The following MUCL1 variants were observed in gnomAD, a reference collection of about 807,000 sequenced individuals.
MUCL1 encodes mucin-like protein 1.
MUCL1 carries 11 observed loss-of-function variants against 9.2 expected under a neutral mutation model. The ratio of observed to expected loss-of-function variants is 1.19; its 90% CI spans 0.75 to 1.97. The LOEUF (loss-of-function observed/expected upper bound fraction) is 1.97. MUCL1 is among the 30% of genes most tolerant of loss of function. The probability of loss-of-function intolerance (pLI) is 0.00; values close to 1 mark genes in which losing one functional copy is unlikely to be tolerated. For synonymous variants in MUCL1, 48 were observed against 40.5 expected (o/e 1.19, Z -0.71); for missense variants, 144 against 110.9 (o/e 1.30, Z -1.34).
chr12:54,841,412 C>A (rs949822568), intron 1 of MUCL1, among the ~76,000 whole-genome samples: 1 of 152,046 alleles, frequency 6.6e-6, no homozygotes, highest in African/African-American at 2.4e-5. Flanking sequence ...TTTTGAGAAA[C>A]CTCCATACAG....
intron 1 of MUCL1, 50 bp downstream of exon 1, chr12:54,854,690 A>C (rs772029482): frequency 2.7e-5 from 40 of 1,509,236 alleles, no homozygotes; most frequent in Non-Finnish European, 3.7e-5. Context: ...ATATACATAA[A>C]ATATCTCCTC....
At chr12:54,856,702 C>T in intron 2 of MUCL1, 68 bp from the exon 3 acceptor site, 1 of 1,546,286 alleles carries the variant, frequency 6.5e-7, no homozygotes, top group Non-Finnish European at 8.8e-7. Flanking sequence ...GTATGTCTAC[C>T]CCTGGGTGGG....
At chr12:54,836,859 A>C (rs1450201926), upstream of MUCL1, among the ~76,000 whole-genome samples, 1 of 152,164 alleles carries the variant, frequency 6.6e-6, no homozygotes, top group East Asian at 1.9e-4. Context: ...TTCAGGAGCA[A>C]ATTATTTAAT....
upstream of MUCL1, among the ~76,000 whole-genome samples, chr12:54,838,675 C>A (rs1959198089): frequency 6.6e-6 from 1 of 151,746 alleles, no homozygotes; most frequent in East Asian, 1.9e-4. Flanking sequence ...AAAGGCTTGT[C>A]TTTGAGTTCC....
At chr12:54,835,724 G>A (rs1959192143), upstream of MUCL1, among the ~76,000 whole-genome samples, 2 of 151,372 alleles carry the variant, frequency 1.3e-5, no homozygotes, top group South Asian at 2.1e-4. Context: ...TGTCATATAT[G>A]GCTTTTATTA....
At chr12:54,851,968 C>A (rs1202324728), upstream of MUCL1, among the ~76,000 whole-genome samples, 3 of 152,166 alleles carry the variant, frequency 2.0e-5, no homozygotes, top group South Asian at 2.1e-4. Context: ...AGGACCTCTC[C>A]AAAGAGAACT....
At chr12:54,851,290 T>C (rs541197062), upstream of MUCL1, among the ~76,000 whole-genome samples, 1 of 152,332 alleles carries the variant, frequency 6.6e-6, no homozygotes, top group African/African-American at 2.4e-5. Context: ...TTTATGGTTT[T>C]AGGTCTAACA....
chr12:54,835,605 TG>T (rs1315390211), upstream of MUCL1, among the ~76,000 whole-genome samples: 19 of 24,268 alleles, frequency 7.8e-4, no homozygotes, highest in African/African-American at 2.5e-3. Flanking sequence ...TTGATGGGAT[TG>T]TTTTTTTTTT....
chr12:54,854,925 G>A (rs1868287895), intron 1 of MUCL1, among the ~76,000 whole-genome samples, 191 bp from the exon 2 acceptor site: 1 of 152,122 alleles, frequency 6.6e-6, no homozygotes, highest in South Asian at 2.1e-4. Context: ...AAGGAAAAAT[G>A]ACCACATATT....
At chr12:54,844,022 T>C (rs149851995) in intron 1 of MUCL1, among the ~76,000 whole-genome samples, 38 of 152,332 alleles carry the variant, frequency 2.5e-4, no homozygotes, top group Middle Eastern at 3.4e-3. Flanking sequence ...TGGTAATTTA[T>C]TGTTTATAAA....
chr12:54,854,625 T>C lies in MUCL1; in HGVS notation c.43T>C (p.Phe15Leu), dbSNP rs761817257. The change falls in exon 1 of 4, where the codon TTT (phenylalanine) becomes CTT (leucine). Residue 15 changes from phenylalanine to leucine, a missense_variant. Physicochemically the swap from Phe to Leu is conservative, Grantham distance 22. Coordinates refer to ENST00000308796, the MANE Select transcript of MUCL1 (RefSeq NM_058173.3). Reference sequence around the variant, plus strand: ...CCTGGTACTCTTGGGAGTTTCCATCTTTCTGGTCTCTGCCCGTAAGTAAAG... The same window carrying C: ...CCTGGTACTCTTGGGAGTTTCCATCCTTCTGGTCTCTGCCCGTAAGTAAAG... Reference protein sequence around the residue: ...AVLVLLGVSIFLVSAQNPTTA... With the variant: ...AVLVLLGVSILLVSAQNPTTA... 6.2e-7 allele frequency: 1 copy of C among 1,613,460 alleles called. No individual in the cohort carries two copies. The highest frequency in any genetic ancestry group is 1.1e-5 in the South Asian group (1 of 91,058).
At chr12:54,841,297 C>A (rs1354245660) in intron 1 of MUCL1, among the ~76,000 whole-genome samples, 1 of 152,176 alleles carries the variant, frequency 6.6e-6, no homozygotes, top group African/African-American at 2.4e-5. Flanking sequence ...AACGATGCTG[C>A]AATCAACACA....
At chr12:54,845,155 C>T (rs1332292025) in intron 1 of MUCL1, among the ~76,000 whole-genome samples, 2 of 152,140 alleles carry the variant, frequency 1.3e-5, no homozygotes, top group South Asian at 2.1e-4. Context: ...CTTGAACTAC[C>T]TCAGTATGAT....
upstream of MUCL1, among the ~76,000 whole-genome samples, chr12:54,853,976 T>C (rs911739044): frequency 6.6e-6 from 1 of 152,242 alleles, no homozygotes; most frequent in Non-Finnish European, 1.5e-5. Flanking sequence ...GTTCGTTCTT[T>C]AGATCATTCA....
chr12:54,856,855 C>T lies in MUCL1; in HGVS notation c.186C>T (p.Thr62=). The T allele has an allele frequency of 6.2e-7, 1 of 1,612,932 alleles. No individual in the cohort carries two copies. Among genetic ancestry groups the T allele is most frequent in the Non-Finnish European group, 8.5e-7 (1 of 1,179,314 alleles). The change falls in exon 3 of 4, where the codon ACC becomes ACT. Residue 62 remains threonine, a synonymous_variant. Transcript: ENST00000308796. ...TATTAAPTTA[T]TAASTTARKD... ...CCACTGCTGCTCCTACCACTGCAAC[C>T]ACCGCTGCTTCTACCACTGCTCGTA...
rs1868286017 is a variant in MUCL1, at chr12:54,854,660, T to G, written c.58+20T>G. 3 of 1,603,092 alleles carry G rather than the reference T, an allele frequency of 1.9e-6. No individual in the cohort carries two copies. The highest frequency in any genetic ancestry group is 2.6e-6 in the Non-Finnish European group (3 of 1,170,774). The stretch of plus-strand genomic sequence containing the variant: ...CTGCCCGTAAGTAAAGATTCTTACC[T>G]GAACATAAGTTTTGTGGGAATATAC... On this transcript the variant is annotated intron_variant, in intron 1 of 3. Transcript: ENST00000308796.
At chr12:54,852,501 T>C (rs1451750849), upstream of MUCL1, among the ~76,000 whole-genome samples, 1 of 152,238 alleles carries the variant, frequency 6.6e-6, no homozygotes, top group Non-Finnish European at 1.5e-5. Context: ...TATACAAAAA[T>C]TCATTCAAGA....
At chr12:54,847,774 G>T (rs1959277872) in intron 1 of MUCL1, among the ~76,000 whole-genome samples, 1 of 152,182 alleles carries the variant, frequency 6.6e-6, no homozygotes, top group Admixed American at 6.5e-5. Flanking sequence ...GTGGCCTGAA[G>T]ATGTATTTAA....
intron 3 of MUCL1, 84 bp downstream of exon 3, chr12:54,856,976 T>C: frequency 1.3e-6 from 2 of 1,587,782 alleles, no homozygotes; most frequent in Non-Finnish European, 1.7e-6. Context: ...GACTCTATTT[T>C]TGAGGTCAGG....
Sources: gnomAD v4.1 joint callset for allele counts (sites outside exome capture counted in the v4.1 genomes callset) on GRCh38, gnomAD v4.1.1 for gene constraint, MANE v1.5 for transcripts, NCBI Gene and HGNC (gene_info 2026-07-23, HGNC 2026-07-21) for gene names.